GRIN1: variants seen among roughly 807,000 people sequenced by gnomAD.
The protein encoded by GRIN1 is glutamate receptor ionotropic, NMDA 1.
GRIN1 carries 38 observed loss-of-function variants against 103.0 expected under a neutral mutation model. The ratio of observed to expected loss-of-function variants is 0.37; its 90% CI spans 0.28 to 0.48. The LOEUF is 0.48. Ranked by LOEUF, GRIN1 falls within the 20% of genes least tolerant of loss-of-function variation. The pLI is 0.98. For missense variants in GRIN1, 577 were observed against 1,288.9 expected, an observed-to-expected ratio of 0.45 and a Z score of 8.46; for synonymous variants, 544 against 532.7, an observed-to-expected ratio of 1.02 and a Z score of -0.29.
intron 2 of GRIN1, among the ~76,000 whole-genome samples, chr9:137,142,414 C>T (rs185107593): frequency 2.2e-4 from 34 of 152,356 alleles, no homozygotes; most frequent in African/African-American, 8.2e-4. Flanking sequence ...CAGCACGTGC[C>T]CCCAGCCCAG....
intron 1 of GRIN1, among the ~76,000 whole-genome samples, chr9:137,141,590 C>T (rs921790340): frequency 3.3e-5 from 5 of 152,190 alleles, no homozygotes; most frequent in African/African-American, 7.2e-5. Flanking sequence ...CAGAGCTGCC[C>T]GCCCTGTCTC....
chr9:137,157,204 A>G (rs1249210540), intron 6 of GRIN1, among the ~76,000 whole-genome samples, 167 bp downstream of exon 6: 5 of 38,310 alleles, frequency 1.3e-4, no homozygotes, highest in Non-Finnish European at 2.0e-4. Context: ...GAGCTGGGGG[A>G]GCGCTCCTCA....
At chr9:137,165,093 C>T (rs965264117) in intron 18 of GRIN1, 93 bp from the exon 19 acceptor site, 9 of 931,058 alleles carry the variant, frequency 9.7e-6, no homozygotes, top group Admixed American at 5.1e-5. Flanking sequence ...CCCAAGTGGC[C>T]GGCCAGGCTG....
At chr9:137,166,042 AG>A (rs1422604680) in intron 19 of GRIN1, among the ~76,000 whole-genome samples, 1 of 151,696 alleles carries the variant, frequency 6.6e-6, no homozygotes, top group Non-Finnish European at 1.5e-5. Context: ...GCCCTGCAGG[AG>A]GTGTGGCGGC....
chr9:137,160,820 C>A (rs908934885), intron 8 of GRIN1, among the ~76,000 whole-genome samples: 2 of 152,186 alleles, frequency 1.3e-5, no homozygotes, highest in Non-Finnish European at 2.9e-5. Flanking sequence ...CAGCCCCCAC[C>A]CCCCCGGGGC....
In GRIN1 at chr9:137,163,831, G is replaced by A. The variant is rs762454399; in HGVS notation, c.2516G>A (p.Arg839Gln). Residue 839 changes from arginine (R) to glutamine (Q), a missense_variant, in exon 18 of 20, where the codon CGG (arginine) becomes CAG (glutamine). Physicochemically the swap from Arg to Gln is conservative, Grantham distance 43 (BLOSUM62 1). Coordinates refer to ENST00000371561, the MANE Select transcript of GRIN1 (RefSeq NM_007327.4). ...ATTTTCATCGAGATTGCCTACAAGCGGCACAAGGATGCTCGCCGGAAGCAG... is the reference window on the plus strand; with the variant it reads ...ATTTTCATCGAGATTGCCTACAAGCAGCACAAGGATGCTCGCCGGAAGCAG... ...FLIFIEIAYKRHKDARRKQMQ... is the reference protein window; with the variant it reads ...FLIFIEIAYKQHKDARRKQMQ... The A allele has an allele frequency of 1.9e-6, 3 of 1,613,366 alleles. No individual in the cohort carries two copies. The highest frequency in any genetic ancestry group is 1.7e-6 in the Non-Finnish European group (2 of 1,179,962).
Position 137,160,821 on chromosome 9 carries a change from C to T in GRIN1, c.1198-235C>T, listed in dbSNP as rs576854434. Among the ~76,000 whole-genome samples, 4 of 152,340 alleles carry T rather than the reference C, an allele frequency of 2.6e-5. No individual in the cohort carries two copies. In the South Asian group the frequency reaches 6.2e-4, roughly 24 times the overall value. On this transcript the variant is annotated intron_variant, in intron 8 of 19. Transcript: ENST00000371561. ...CTTTTCTGAGCCCCCAGCCCCCACCCCCCCGGGGCTGCAGGCAGACGATGC... is the reference window on the plus strand; with the variant it reads ...CTTTTCTGAGCCCCCAGCCCCCACCTCCCCGGGGCTGCAGGCAGACGATGC...
In GRIN1 at chr9:137,167,682, T is replaced by C; in HGVS notation, c.*155T>C. 1 of 1,560,894 alleles carries C rather than the reference T, an allele frequency of 6.4e-7. No individual in the cohort carries two copies. Among genetic ancestry groups the C allele is most frequent in the Non-Finnish European group, 8.7e-7 (1 of 1,155,096 alleles). On this transcript the variant is annotated 3_prime_UTR_variant, in exon 20 of 20. Transcript: ENST00000371561. ...AGGCTGCGCCTGCCCGCCCGCCGGT[T>C]GGCCGGCTGGCCGGTCCACCCCGTC... is the stretch of plus-strand genomic sequence containing the variant.
At chr9:137,158,218 G>A (rs1833343737) in intron 6 of GRIN1, among the ~76,000 whole-genome samples, 161 bp from the exon 7 acceptor site, 1 of 152,190 alleles carries the variant, frequency 6.6e-6, no homozygotes, top group Non-Finnish European at 1.5e-5. Flanking sequence ...TCCGTTCTTG[G>A]GACTGGGACA....
At chr9:137,153,871 C>A (rs759561807) in intron 4 of GRIN1, among the ~76,000 whole-genome samples, 3 of 152,174 alleles carry the variant, frequency 2.0e-5, no homozygotes, top group African/African-American at 7.2e-5. Context: ...AGTGCAGTGG[C>A]GTGATCTCAG....
At position 137,146,355 on chromosome 9, in the gene GRIN1, C is replaced by T. The variant is rs938745229; in HGVS notation, c.570+453C>T. Reference sequence around the variant, plus strand: ...CTGTCCCCTCCTGGCTGGGCCCATTCCCTGTCCTCCCCCGCGTGGCCTCCC... The same window carrying T: ...CTGTCCCCTCCTGGCTGGGCCCATTTCCTGTCCTCCCCCGCGTGGCCTCCC... On this transcript the variant is annotated intron_variant, in intron 3 of 19. Transcript: ENST00000371561. The surrounding 1 kb of genome is among the most constrained non-coding windows in gnomAD (Gnocchi z 6.7). 2.6e-5 allele frequency among the ~76,000 whole-genome samples: 4 copies of T among 151,904 alleles called. No homozygotes were observed. The highest frequency in any genetic ancestry group is 7.3e-5 in the African/African-American group (3 of 41,354).
rs1832499155 is a variant in GRIN1, at chr9:137,145,846, G to A, written c.514G>A (p.Glu172Lys). 6.2e-7 allele frequency: 1 copy of A among 1,611,832 alleles called. No homozygotes were observed. ...CATCCTGCTGGTCAGCGACGACCAC[G>A]AGGGCCGGGCGGCTCAGAAACGCCT... ...HIILLVSDDH[E>K]GRAAQKRLET... The change falls in exon 3 of 20, where the codon GAG (glutamate) becomes AAG (lysine). Residue 172 changes from glutamate (E) to lysine (K), a missense_variant. This residue lies in a region of GRIN1 where 308 missense variants were observed against 553.6 expected (regional missense o/e 0.56). Transcript: ENST00000371561.
chr9:137,166,293 C>T (rs369393045), intron 19 of GRIN1, among the ~76,000 whole-genome samples: 4 of 152,198 alleles, frequency 2.6e-5, no homozygotes, highest in East Asian at 1.9e-4. Context: ...TATGCACACT[C>T]GGACCAGAGG....
Position 137,145,911 on chromosome 9 carries a change from C to T in GRIN1, c.570+9C>T, listed in dbSNP as rs746322907. On this transcript the variant is annotated intron_variant, in intron 3 of 19. Coordinates refer to ENST00000371561, the MANE Select transcript of GRIN1 (RefSeq NM_007327.4). ...AGGAGCGTGAGTCCAAGGTGAGGGT[C>T]GGCGCCGCGGGTGGGCGCCTGGCGG... 5.7e-6 allele frequency: 9 copies of T among 1,587,666 alleles called. No individual in the cohort carries two copies. Among genetic ancestry groups the T allele is most frequent in the East Asian group, 2.3e-5 (1 of 43,618 alleles).
intron 18 of GRIN1, 29 bp from the exon 19 acceptor site, chr9:137,165,157 A>G (rs1252739011): frequency 1.3e-6 from 2 of 1,488,640 alleles, no homozygotes; most frequent in East Asian, 4.5e-5. Context: ...CACCCTAGCC[A>G]TCTAATCACT....
chr9:137,142,987 A>G (rs1400358479), intron 2 of GRIN1, among the ~76,000 whole-genome samples: 1 of 152,248 alleles, frequency 6.6e-6, no homozygotes. Flanking sequence ...CCAGAGAGCC[A>G]TGGGGGCTTG....
chr9:137,166,192 C>T (rs1833869978), intron 19 of GRIN1, among the ~76,000 whole-genome samples: 1 of 152,214 alleles, frequency 6.6e-6, no homozygotes. Context: ...CCAGCAACCC[C>T]ACAAGGCCCA....
At chr9:137,147,055 C>A (rs963244040) in intron 3 of GRIN1, among the ~76,000 whole-genome samples, 1 of 149,470 alleles carries the variant, frequency 6.7e-6, no homozygotes, top group Non-Finnish European at 1.5e-5. Flanking sequence ...CCCCAGCACC[C>A]GACAGGCCCC....
At chr9:137,143,725 A>G in intron 2 of GRIN1, among the ~76,000 whole-genome samples, 1 of 152,242 alleles carries the variant, frequency 6.6e-6, no homozygotes, top group Non-Finnish European at 1.5e-5. Context: ...GTGGATAGAC[A>G]GAAGCAGGGG....
Sources: allele counts gnomAD v4.1 joint callset (sites outside exome capture counted in the v4.1 genomes callset), GRCh38; gene constraint gnomAD v4.1.1; regional missense constraint gnomAD v4.1.1; non-coding constraint Gnocchi (gnomAD v3.1); transcripts MANE v1.5; gene names NCBI Gene and HGNC (gene_info 2026-07-23, HGNC 2026-07-21).